Variants in SNTG2 observed in about 807,000 individuals in gnomAD.
The protein encoded by SNTG2 is gamma-2-syntrophin.
Under a neutral mutation model 70.9 loss-of-function variants are expected in SNTG2, and 74 were observed. That is an observed-to-expected ratio of 1.04 (90% CI 0.86 to 1.27). The LOEUF (loss-of-function observed/expected upper bound fraction) is 1.27. SNTG2 is among the 50% of genes most tolerant of loss of function. The pLI is 0.00. For missense variants in SNTG2, 717 were observed against 690.7 expected (o/e 1.04, Z -0.43); for synonymous variants, 278 against 273.8 (o/e 1.02, Z -0.15).
At chr2:1,242,158 C>T (rs571872502) in intron 11 of SNTG2, among the ~76,000 whole-genome samples, 4 of 152,190 alleles carry the variant, frequency 2.6e-5, no homozygotes, top group South Asian at 2.1e-4. Flanking sequence ...GATGGTTTCA[C>T]GTTTTCTCCA....
Position 1,134,174 on chromosome 2 carries a change from G to A in SNTG2, c.326-3448G>A, listed in dbSNP as rs559091181. Among the ~76,000 whole-genome samples the A allele has an allele frequency of 3.3e-5, 5 of 152,314 alleles. No homozygotes were observed. The South Asian group carries it at 1.0e-3, about 32-fold the overall frequency. On this transcript the variant is annotated intron_variant, in intron 4 of 16. Transcript: ENST00000308624. Reference sequence around the variant, plus strand: ...GTGAGTGTTACAGCTCATAAAGGCAGCGTGGACCCAAAGAGTGAGCAGCAG... The same window carrying A: ...GTGAGTGTTACAGCTCATAAAGGCAACGTGGACCCAAAGAGTGAGCAGCAG...
intron 2 of SNTG2, among the ~76,000 whole-genome samples, chr2:1,086,271 C>A (rs1664677926): frequency 1.3e-5 from 2 of 152,166 alleles, no homozygotes; most frequent in African/African-American, 4.8e-5. Context: ...AGGGGACAGC[C>A]CAGGGGCTGA....
At chr2:1,081,133 G>A (rs879499186) in intron 1 of SNTG2, among the ~76,000 whole-genome samples, 4 of 152,294 alleles carry the variant, frequency 2.6e-5, no homozygotes, top group African/African-American at 9.6e-5. Context: ...AAGCCCCATC[G>A]CTCAGCCCCT....
chr2:1,084,398 G>A (rs527973170), intron 2 of SNTG2, among the ~76,000 whole-genome samples: 55 of 152,310 alleles, frequency 3.6e-4, no homozygotes, highest in African/African-American at 1.3e-3. Flanking sequence ...TGTACAAGTG[G>A]CTCCTGTGAA....
chr2:1,177,779 C>T (rs1225681499), intron 8 of SNTG2, among the ~76,000 whole-genome samples: 1 of 152,042 alleles, frequency 6.6e-6, no homozygotes, highest in African/African-American at 2.4e-5. Context: ...CCACATAGCC[C>T]TTAAAGTTGA....
chr2:1,219,118 A>G lies in SNTG2; in HGVS notation c.719+9888A>G, dbSNP rs536054871. Among the ~76,000 whole-genome samples, 3 of 152,188 alleles carry G rather than the reference A, an allele frequency of 2.0e-5. No homozygotes were observed. The South Asian group carries it at 6.2e-4, about 32-fold the overall frequency. On this transcript the variant is annotated intron_variant, in intron 9 of 16. Transcript: ENST00000308624. ...CCCAACCCCTCGGTACTGTTGTGAT[A>G]GTGAGTGAGTTCTCATGAGAACCAG... is the stretch of plus-strand genomic sequence containing the variant.
chr2:982,328 T>A (rs565992928), intron 1 of SNTG2, among the ~76,000 whole-genome samples: 2 of 152,226 alleles, frequency 1.3e-5, no homozygotes, highest in Admixed American at 6.5e-5. Flanking sequence ...CGTTCCACAC[T>A]TTTTCTTTGA....
intron 1 of SNTG2, among the ~76,000 whole-genome samples, chr2:990,388 A>G (rs1661451018): frequency 6.6e-6 from 1 of 152,130 alleles, no homozygotes; most frequent in South Asian, 2.1e-4. Context: ...GAAATTCAAG[A>G]TGTAGGTGTT....
chr2:1,062,875 CACAA>C (rs1017382749), intron 1 of SNTG2, among the ~76,000 whole-genome samples: 18 of 152,178 alleles, frequency 1.2e-4, no homozygotes, highest in Admixed American at 8.5e-4. Context: ...CATACACACT[CACAA>C]ACCCATATAT....
intron 12 of SNTG2, among the ~76,000 whole-genome samples, chr2:1,251,730 A>AC (rs1190175601): frequency 6.5e-5 from 9 of 139,230 alleles, no homozygotes; most frequent in Admixed American, 5.1e-4. Context: ...ATAGACACAC[A>AC]CCCCCCACAG....
intron 1 of SNTG2, among the ~76,000 whole-genome samples, chr2:1,076,376 G>A (rs1663914899): frequency 6.6e-6 from 1 of 152,086 alleles, no homozygotes; most frequent in Admixed American, 6.6e-5. Flanking sequence ...GCTTCTTCCA[G>A]CACCTGATAT....
intron 1 of SNTG2, among the ~76,000 whole-genome samples, chr2:970,894 A>G: frequency 6.6e-6 from 1 of 152,218 alleles, no homozygotes; most frequent in East Asian, 1.9e-4. Context: ...AAACACATGA[A>G]AAAATGCTCA....
chr2:1,197,573 GTCAC>G (rs1439005100), intron 8 of SNTG2, among the ~76,000 whole-genome samples: 1 of 150,018 alleles, frequency 6.7e-6, no homozygotes, highest in Non-Finnish European at 1.5e-5. Flanking sequence ...GGTTCTCACT[GTCAC>G]TCAGTCTGGG....
chr2:965,120 TC>T, intron 1 of SNTG2, among the ~76,000 whole-genome samples: 1 of 149,698 alleles, frequency 6.7e-6, no homozygotes, highest in African/African-American at 2.5e-5. Context: ...ACCCCAGTCC[TC>T]CTCCTTGGAC....
chr2:1,294,245 C>T (rs1680108596), intron 14 of SNTG2, among the ~76,000 whole-genome samples: 2 of 152,088 alleles, frequency 1.3e-5, no homozygotes, highest in Non-Finnish European at 1.5e-5. Flanking sequence ...GGGACAGACC[C>T]CAACCCTCAG....
At chr2:1,275,116 A>G (rs899503758) in intron 14 of SNTG2, among the ~76,000 whole-genome samples, 11 of 152,202 alleles carry the variant, frequency 7.2e-5, no homozygotes, top group Non-Finnish European at 1.6e-4. Context: ...CCAGAGAGGG[A>G]GAACTCTCTC....
At chr2:1,273,915 G>A (rs1679161949) in intron 14 of SNTG2, among the ~76,000 whole-genome samples, 1 of 152,120 alleles carries the variant, frequency 6.6e-6, no homozygotes, top group South Asian at 2.1e-4. Flanking sequence ...ACTGGCAAAG[G>A]ACTTCTATAT....
chr2:1,244,590 G>T (rs1327380286), intron 11 of SNTG2, among the ~76,000 whole-genome samples: 1 of 151,102 alleles, frequency 6.6e-6, no homozygotes, highest in Non-Finnish European at 1.5e-5. Flanking sequence ...CAGCTACTCG[G>T]GAGGCTGAGG....
Sources: gnomAD v4.1 joint callset for allele counts (sites outside exome capture counted in the v4.1 genomes callset) on GRCh38, gnomAD v4.1.1 for gene constraint, MANE v1.5 for transcripts, NCBI Gene and HGNC (gene_info 2026-07-23, HGNC 2026-07-21) for gene names.